GAS2: variants seen among roughly 807,000 people sequenced by gnomAD.
GAS2 encodes growth arrest-specific protein 2.
In GAS2, 20 loss-of-function variants were observed where a neutral mutation model predicts 37.5. That is an observed-to-expected ratio of 0.53 (90% CI 0.37 to 0.77). The LOEUF (loss-of-function observed/expected upper bound fraction) is 0.77. Ranked by LOEUF, GAS2 falls within the 30% of genes least tolerant of loss-of-function variation. GAS2 has a pLI of 0.00. For synonymous variants in GAS2, 144 were observed against 132.2 expected, an observed-to-expected ratio of 1.09 and a Z score of -0.61; for missense variants, 336 against 373.4, an observed-to-expected ratio of 0.90 and a Z score of 0.82.
intron 1 of GAS2, among the ~76,000 whole-genome samples, chr11:22,651,222 T>A (rs573782886): frequency 1.3e-5 from 2 of 152,192 alleles, no homozygotes; most frequent in Non-Finnish European, 2.9e-5. Context: ...AAAATTCTTT[T>A]CTTTAAGAAT....
chr11:22,778,721 A>G (rs1855393228), intron 7 of GAS2, among the ~76,000 whole-genome samples: 1 of 152,212 alleles, frequency 6.6e-6, no homozygotes, highest in African/African-American at 2.4e-5. Context: ...AGCAGATTTA[A>G]AAGGGTCACA....
intron 3 of GAS2, among the ~76,000 whole-genome samples, chr11:22,706,904 C>T (rs569740602): frequency 4.2e-4 from 64 of 152,118 alleles, no homozygotes; most frequent in Non-Finnish European, 5.4e-4. Context: ...CCTGAGGAAT[C>T]GCCACACTGA....
At chr11:22,792,330 T>C (rs1246577922) in intron 7 of GAS2, among the ~76,000 whole-genome samples, 1 of 152,208 alleles carries the variant, frequency 6.6e-6, no homozygotes, top group Non-Finnish European at 1.5e-5. Context: ...GAATAATTTA[T>C]ACACATTTTT....
intron 2 of GAS2, among the ~76,000 whole-genome samples, chr11:22,681,005 A>G (rs764565762): frequency 3.9e-5 from 6 of 152,230 alleles, no homozygotes; most frequent in South Asian, 2.1e-4. Context: ...GACTCAATAC[A>G]TGAATACATG....
intron 3 of GAS2, among the ~76,000 whole-genome samples, chr11:22,718,550 CA>C (rs1332121937): frequency 6.6e-6 from 1 of 151,832 alleles, no homozygotes; most frequent in Non-Finnish European, 1.5e-5. Flanking sequence ...AAAGACAGCA[CA>C]ATGGGTACAT....
intron 7 of GAS2, among the ~76,000 whole-genome samples, chr11:22,788,444 T>G (rs1010236059): frequency 2.0e-5 from 3 of 152,156 alleles, no homozygotes; most frequent in Non-Finnish European, 2.9e-5. Context: ...TTCACTGGGT[T>G]GCTGGCCTTT....
chr11:22,795,122 A>C (rs1223199467), intron 7 of GAS2, among the ~76,000 whole-genome samples: 2 of 152,170 alleles, frequency 1.3e-5, no homozygotes, highest in Non-Finnish European at 1.5e-5. Flanking sequence ...AGCCATATAC[A>C]ATACAGAGTG....
chr11:22,783,983 G>T (rs7929588), intron 7 of GAS2, among the ~76,000 whole-genome samples: 2 of 152,140 alleles, frequency 1.3e-5, no homozygotes, highest in African/African-American at 2.4e-5. Flanking sequence ...TGTGTTCTCT[G>T]TTCTGTTCCA....
At chr11:22,640,703 A>G (rs1473780096) in intron 1 of GAS2, among the ~76,000 whole-genome samples, 1 of 152,206 alleles carries the variant, frequency 6.6e-6, no homozygotes, top group African/African-American at 2.4e-5. Context: ...TATAAATTGA[A>G]TGTTTAATCA....
chr11:22,724,745 C>T (rs548473134), intron 3 of GAS2, among the ~76,000 whole-genome samples: 6 of 152,024 alleles, frequency 3.9e-5, no homozygotes, highest in South Asian at 2.1e-4. Flanking sequence ...AAATCAAATT[C>T]GAGTTGCAAC....
chr11:22,758,665 G>A lies in GAS2; in HGVS notation c.723+2712G>A, dbSNP rs558777476. ...ACAGTGGTTTACGCCTGTAATCCCA[G>A]CACTTTGGGAGGCCGAGGCGGGCAG... On this transcript the variant is annotated intron_variant, in intron 7 of 7. Transcript: ENST00000454584. 6.6e-5 allele frequency among the ~76,000 whole-genome samples: 10 copies of A among 152,266 alleles called. No individual in the cohort carries two copies. The South Asian group carries it at 2.1e-3, about 32-fold the overall frequency.
chr11:22,691,887 ATTTT>A (rs1850262305), intron 3 of GAS2, among the ~76,000 whole-genome samples: 1 of 152,092 alleles, frequency 6.6e-6, no homozygotes, highest in African/African-American at 2.4e-5. Context: ...CCCTGTCACT[ATTTT>A]TTAAGTCTCT....
At chr11:22,716,110 T>A (rs1377268713) in intron 3 of GAS2, among the ~76,000 whole-genome samples, 3 of 152,176 alleles carry the variant, frequency 2.0e-5, no homozygotes, top group African/African-American at 7.2e-5. Flanking sequence ...TCTCAGTAGA[T>A]GCAGAAAAAG....
chr11:22,752,418 G>A (rs988960508), intron 6 of GAS2, among the ~76,000 whole-genome samples: 7 of 151,948 alleles, frequency 4.6e-5, no homozygotes, highest in Admixed American at 3.3e-4. Flanking sequence ...CTTCACTAAT[G>A]TTTTAAATCA....
chr11:22,717,826 A>G (rs573723338), intron 3 of GAS2, among the ~76,000 whole-genome samples: 2 of 152,254 alleles, frequency 1.3e-5, no homozygotes, highest in Admixed American at 6.5e-5. Context: ...TGAATAGACA[A>G]TTCTCAAAAG....
intron 7 of GAS2, among the ~76,000 whole-genome samples, chr11:22,782,305 T>A (rs542607100): frequency 6.6e-6 from 1 of 152,316 alleles, no homozygotes; most frequent in South Asian, 2.1e-4. Context: ...AGTAGTAGCA[T>A]CATTATCATT....
At chr11:22,786,434 G>C (rs1855822115) in intron 7 of GAS2, among the ~76,000 whole-genome samples, 1 of 152,056 alleles carries the variant, frequency 6.6e-6, no homozygotes, top group Non-Finnish European at 1.5e-5. Flanking sequence ...ACTTATGTAT[G>C]GATAGATAAG....
At chr11:22,651,359 CTTCATT>C (rs1848773505) in intron 1 of GAS2, among the ~76,000 whole-genome samples, 1 of 152,098 alleles carries the variant, frequency 6.6e-6, no homozygotes, top group Admixed American at 6.5e-5. Flanking sequence ...ACATTTTTTC[CTTCATT>C]TCAAGTTTGG....
At chr11:22,627,821 A>C (rs1333487623) in intron 1 of GAS2, among the ~76,000 whole-genome samples, 1 of 152,026 alleles carries the variant, frequency 6.6e-6, no homozygotes, top group African/African-American at 2.4e-5. Flanking sequence ...AAAGAAACCA[A>C]CTTTTCAGTT....
Sources: gnomAD v4.1 joint callset for allele counts (sites outside exome capture counted in the v4.1 genomes callset) on GRCh38, gnomAD v4.1.1 for gene constraint, MANE v1.5 for transcripts, NCBI Gene and HGNC (gene_info 2026-07-23, HGNC 2026-07-21) for gene names.